Variants in FNDC3B observed in about 807,000 individuals in gnomAD.
FNDC3B encodes the protein fibronectin type III domain-containing protein 3B.
In FNDC3B, 12 loss-of-function variants were observed where a neutral mutation model predicts 151.5. The observed-to-expected ratio is 0.08, with a 90% CI of 0.05 to 0.13. The LOEUF (loss-of-function observed/expected upper bound fraction) is 0.13, where lower values mean the gene tolerates loss of function less well. FNDC3B is among the 10% of genes least tolerant of loss of function. The probability of loss-of-function intolerance (pLI) is 1.00; values close to 1 mark genes in which losing one functional copy is unlikely to be tolerated. For missense variants in FNDC3B, 1,214 were observed against 1,505.3 expected, an observed-to-expected ratio of 0.81 and a Z score of 3.20; for synonymous variants, 528 against 549.0, an observed-to-expected ratio of 0.96 and a Z score of 0.54.
At chr3:172,065,717 G>C (rs567090619) in intron 1 of FNDC3B, among the ~76,000 whole-genome samples, 1 of 152,230 alleles carries the variant, frequency 6.6e-6, no homozygotes, top group South Asian at 2.1e-4. Flanking sequence ...CTCATGCCTG[G>C]AGTAGCTCCA....
chr3:172,345,630 A>T (rs900068140), intron 19 of FNDC3B, among the ~76,000 whole-genome samples: 2 of 152,016 alleles, frequency 1.3e-5, no homozygotes, highest in African/African-American at 2.4e-5. Flanking sequence ...AAGGACAGTC[A>T]TATATTTTGT....
At chr3:172,331,763 T>C (rs1412637958) in intron 13 of FNDC3B, among the ~76,000 whole-genome samples, 2 of 152,162 alleles carry the variant, frequency 1.3e-5, no homozygotes, top group Non-Finnish European at 2.9e-5. Context: ...TTTGACTCCC[T>C]TCCCTCATTT....
chr3:172,367,708 C>A (rs1399057765), intron 23 of FNDC3B, among the ~76,000 whole-genome samples: 1 of 152,176 alleles, frequency 6.6e-6, no homozygotes, highest in Non-Finnish European at 1.5e-5. Flanking sequence ...CCTGTCCTGA[C>A]CCCTGTGGGT....
At chr3:172,295,095 T>C (rs1040906283) in intron 7 of FNDC3B, among the ~76,000 whole-genome samples, 4 of 152,184 alleles carry the variant, frequency 2.6e-5, no homozygotes, top group African/African-American at 4.8e-5. Flanking sequence ...TAAAAAAAAA[T>C]TCCCTCGCAT....
At chr3:172,148,374 T>TTA (rs1553766424) in intron 3 of FNDC3B, among the ~76,000 whole-genome samples, 3 of 151,398 alleles carry the variant, frequency 2.0e-5, no homozygotes, top group Admixed American at 6.6e-5. Flanking sequence ...ATGTGGAGGG[T>TTA]AAAAAAAATA....
rs1405761769 is a variant in FNDC3B at position 172,257,617 on chromosome 3, G to A, written c.790+6076G>A. On this transcript the variant is annotated intron_variant, in intron 6 of 25. Transcript: ENST00000415807. ...ACACACACACACACACACGCACTCT[G>A]AAAGCAGACAGCACTAGAACTCCAG... Among the ~76,000 whole-genome samples the A allele has an allele frequency of 2.0e-5, 3 of 148,200 alleles. No individual in the cohort carries two copies. The East Asian group carries it at 5.9e-4, about 29-fold the overall frequency.
chr3:172,274,139 T>C (rs946927994), intron 6 of FNDC3B, among the ~76,000 whole-genome samples: 2 of 152,208 alleles, frequency 1.3e-5, no homozygotes, highest in Non-Finnish European at 2.9e-5. Flanking sequence ...AGAATTATTA[T>C]AGGATATGGT....
chr3:172,172,032 C>T (rs530153428), intron 3 of FNDC3B, among the ~76,000 whole-genome samples: 2 of 152,270 alleles, frequency 1.3e-5, no homozygotes, highest in Admixed American at 6.5e-5. Flanking sequence ...GCCATCATTC[C>T]ATTCCTCCTC....
At chr3:172,370,918 C>T (rs1284373693) in intron 23 of FNDC3B, among the ~76,000 whole-genome samples, 2 of 152,222 alleles carry the variant, frequency 1.3e-5, no homozygotes, top group Non-Finnish European at 2.9e-5. Context: ...CACAGTGGGA[C>T]ATTTGTTACA....
At chr3:172,330,508 TCTAA>T in intron 12 of FNDC3B, 29 bp from the exon 13 acceptor site, 1 of 1,586,772 alleles carries the variant, frequency 6.3e-7, no homozygotes, top group Non-Finnish European at 8.6e-7. Flanking sequence ...TTCACATGCT[TCTAA>T]CTGTGTGCCT....
At chr3:172,189,712 G>C (rs1003581984) in intron 3 of FNDC3B, among the ~76,000 whole-genome samples, 1 of 147,654 alleles carries the variant, frequency 6.8e-6, no homozygotes, top group African/African-American at 2.5e-5. Context: ...TGCTCAAAAG[G>C]ATTGCCTGAG....
In FNDC3B at chr3:172,061,142, A is replaced by C. The variant is rs575883594; in HGVS notation, c.-29+21371A>C. On this transcript the variant is annotated intron_variant, in intron 1 of 25. Coordinates refer to ENST00000415807, the MANE Select transcript of FNDC3B (RefSeq NM_022763.4). Reference sequence around the variant, plus strand: ...TTCCTTCCCTGATATTTCTTTTTGCAGAGCCCATCCTATATGAATAATGGA... The same window carrying C: ...TTCCTTCCCTGATATTTCTTTTTGCCGAGCCCATCCTATATGAATAATGGA... Among the ~76,000 whole-genome samples the C allele has an allele frequency of 9.9e-5, 15 of 152,166 alleles. No homozygotes were observed. The South Asian group carries it at 3.1e-3, about 32-fold the overall frequency.
chr3:172,313,063 CTCT>C (rs1731599746), intron 11 of FNDC3B, among the ~76,000 whole-genome samples: 1 of 152,148 alleles, frequency 6.6e-6, no homozygotes, highest in South Asian at 2.1e-4. Flanking sequence ...ATTCCCTTCC[CTCT>C]TCTTTCCCCT....
At chr3:172,132,941 A>G (rs1001903375) in intron 2 of FNDC3B, among the ~76,000 whole-genome samples, 16 of 152,176 alleles carry the variant, frequency 1.1e-4, no homozygotes, top group Non-Finnish European at 4.4e-5. Flanking sequence ...GCCTATTTAT[A>G]ATATTTATTT....
At chr3:172,275,910 C>A (rs891240906) in intron 6 of FNDC3B, among the ~76,000 whole-genome samples, 5 of 151,840 alleles carry the variant, frequency 3.3e-5, no homozygotes, top group African/African-American at 1.2e-4. Flanking sequence ...TTATACAATC[C>A]CAAAAGAGGC....
intron 4 of FNDC3B, among the ~76,000 whole-genome samples, chr3:172,231,495 G>T (rs182262689): frequency 6.6e-6 from 1 of 152,176 alleles, no homozygotes; most frequent in Non-Finnish European, 1.5e-5. Context: ...ACAGTGACAC[G>T]TCCCAGTTAT....
chr3:172,110,689 C>G (rs953833013), intron 1 of FNDC3B, among the ~76,000 whole-genome samples: 2 of 151,886 alleles, frequency 1.3e-5, no homozygotes, highest in African/African-American at 4.8e-5. Flanking sequence ...CAGTCTGCAC[C>G]ACAGCCTCAA....
At chr3:172,086,580 C>T (rs989295983) in intron 1 of FNDC3B, among the ~76,000 whole-genome samples, 1 of 152,050 alleles carries the variant, frequency 6.6e-6, no homozygotes, top group African/African-American at 2.4e-5. Context: ...GGCCTAAGTT[C>T]TTATTTAAAG....
intron 6 of FNDC3B, among the ~76,000 whole-genome samples, chr3:172,263,092 A>AATAT (rs35820918): frequency 1.9e-3 from 273 of 145,350 alleles, no homozygotes; most frequent in Middle Eastern, 0.011. Flanking sequence ...AATATATATA[A>AATAT]ATATATATAT....
Sources: allele counts gnomAD v4.1 joint callset (sites outside exome capture counted in the v4.1 genomes callset), GRCh38; gene constraint gnomAD v4.1.1; transcripts MANE v1.5; gene names NCBI Gene and HGNC (gene_info 2026-07-23, HGNC 2026-07-21).